The following DISC1 variants were observed in gnomAD, a reference collection of about 807,000 sequenced individuals.
DISC1 encodes DISC1 scaffold protein.
A neutral mutation model predicts 84.5 loss-of-function variants in DISC1; 57 were observed. That is an observed-to-expected ratio of 0.67 (90% confidence interval 0.55 to 0.84). The LOEUF (loss-of-function observed/expected upper bound fraction) is 0.84. Ranked by LOEUF, DISC1 falls within the 40% of genes least tolerant of loss-of-function variation. The pLI is 0.00. For missense variants in DISC1, 1,000 were observed against 1,057.8 expected, an observed-to-expected ratio of 0.95 and a Z score of 0.76; for synonymous variants, 411 against 415.2, an observed-to-expected ratio of 0.99 and a Z score of 0.12.
At chr1:231,957,520 C>T (rs1459411621) in intron 9 of DISC1, among the ~76,000 whole-genome samples, 2 of 152,198 alleles carry the variant, frequency 1.3e-5, no homozygotes, top group Non-Finnish European at 2.9e-5. Context: ...AGCTATCTCA[C>T]ATGCCTAGAA....
chr1:231,704,759 CAAAAAAAAAAAAA>C lies in DISC1; in HGVS notation c.1117+2749_1117+2761del, dbSNP rs146300199. Among the ~76,000 whole-genome samples, 5 of 24,356 alleles carry C rather than the reference CAAAAAAAAAAAAA, an allele frequency of 2.1e-4. No homozygotes were observed. The South Asian group carries it at 0.012, about 59-fold the overall frequency. 16.0% of individuals were successfully genotyped at this position (24,356 alleles called of 152,430 possible). A position where few individuals can be genotyped will look rare whatever the true frequency, so the allele number is the denominator to read the frequency against. ...TGGGCGACAGAGCGAGACTCCGTCT[CAAAAAAAAAAAAA>C]AAAAAAAAAAAAAGCAGATTCTGAT... On this transcript the variant is annotated intron_variant, in intron 3 of 12. Coordinates refer to ENST00000439617, the MANE Select transcript of DISC1 (RefSeq NM_018662.3).
intron 11 of DISC1, among the ~76,000 whole-genome samples, chr1:232,011,308 C>T (rs1433091899): frequency 6.6e-6 from 1 of 152,082 alleles, no homozygotes; most frequent in African/African-American, 2.4e-5. Context: ...TTGGGTGCTC[C>T]AGGGGTCCCC....
At chr1:231,854,399 G>A (rs2084112769) in intron 9 of DISC1, among the ~76,000 whole-genome samples, 1 of 152,154 alleles carries the variant, frequency 6.6e-6, no homozygotes. Flanking sequence ...TTAAATATGT[G>A]TAATATGTGA....
chr1:231,812,062 T>C (rs1397675890), intron 8 of DISC1, among the ~76,000 whole-genome samples: 1 of 152,042 alleles, frequency 6.6e-6, no homozygotes, highest in Non-Finnish European at 1.5e-5. Context: ...AGAGGGCAGG[T>C]ATTTTTTTTA....
intron 5 of DISC1, among the ~76,000 whole-genome samples, chr1:231,770,510 T>C (rs140803598): frequency 2.8e-3 from 421 of 152,308 alleles, no homozygotes; most frequent in African/African-American, 9.6e-3. Context: ...TGAGGCTCCC[T>C]GCCCTGTGTC....
At chr1:231,775,824 AC>A (rs1490614293) in intron 6 of DISC1, among the ~76,000 whole-genome samples, 1 of 151,868 alleles carries the variant, frequency 6.6e-6, no homozygotes, top group Non-Finnish European at 1.5e-5. Flanking sequence ...AACCACTTTT[AC>A]CCAGTGAGCT....
chr1:231,935,463 C>G (rs2090927396), intron 9 of DISC1, among the ~76,000 whole-genome samples: 1 of 152,126 alleles, frequency 6.6e-6, no homozygotes, highest in African/African-American at 2.4e-5. Flanking sequence ...TACATATTGT[C>G]CTCTACGCGT....
At chr1:231,721,325 G>GA (rs1256219403) in intron 3 of DISC1, among the ~76,000 whole-genome samples, 1 of 152,048 alleles carries the variant, frequency 6.6e-6, no homozygotes, top group Non-Finnish European at 1.5e-5. Context: ...TTTTAGGAGA[G>GA]AAAAAATTAG....
At chr1:232,015,077 C>T (rs1668359001) in intron 11 of DISC1, among the ~76,000 whole-genome samples, 1 of 152,146 alleles carries the variant, frequency 6.6e-6, no homozygotes. Flanking sequence ...AAAGCAGAGT[C>T]CAGGGACAAG....
chr1:232,025,213 G>C (rs946647468), intron 11 of DISC1, among the ~76,000 whole-genome samples: 2 of 152,170 alleles, frequency 1.3e-5, no homozygotes, highest in Non-Finnish European at 2.9e-5. Context: ...TTGAAGGAAA[G>C]GCTGGGTTTC....
chr1:231,759,478 C>T lies in DISC1; in HGVS notation c.1269-7662C>T, dbSNP rs1215454536. ...CTGAGGCAGGAGGATTGCTTGAGAC[C>T]AAGAGTTTGAGACAAGCCTGGGCAA... On this transcript the variant is annotated intron_variant, in intron 4 of 12. Transcript: ENST00000439617. Among the ~76,000 whole-genome samples, 3 of 113,024 alleles carry T rather than the reference C, an allele frequency of 2.7e-5. No homozygotes were observed. In the Admixed American group the frequency reaches 4.2e-4, roughly 16 times the overall value. The allele number at this position is 113,024 out of a possible 152,430, so 74.1% of individuals were successfully genotyped here. A position where few individuals can be genotyped will look rare whatever the true frequency, so the allele number is the denominator to read the frequency against.
chr1:231,857,802 C>T (rs199557786), intron 9 of DISC1, among the ~76,000 whole-genome samples: 4 of 152,182 alleles, frequency 2.6e-5, no homozygotes, highest in African/African-American at 9.7e-5. Flanking sequence ...ACCGGCTACC[C>T]GGAATCTGGC....
chr1:231,714,599 AAG>A (rs958729205), intron 3 of DISC1, among the ~76,000 whole-genome samples: 36 of 137,084 alleles, frequency 2.6e-4, no homozygotes, highest in African/African-American at 7.0e-4. Flanking sequence ...GAGAGACAGA[AAG>A]AGAGAAGAGA....
chr1:231,825,136 C>G (rs1258164813), intron 9 of DISC1, among the ~76,000 whole-genome samples: 1 of 152,116 alleles, frequency 6.6e-6, no homozygotes, highest in African/African-American at 2.4e-5. Flanking sequence ...CACTTTTATC[C>G]ATATATATTT....
intron 9 of DISC1, among the ~76,000 whole-genome samples, chr1:231,837,056 A>G (rs528271777): frequency 1.3e-5 from 2 of 152,196 alleles, no homozygotes; most frequent in South Asian, 4.1e-4. Flanking sequence ...AAGACTATAA[A>G]TAAATGCTCT....
At chr1:231,944,050 G>T (rs1349759169) in intron 9 of DISC1, 1 of 152,168 alleles carries the variant, frequency 6.6e-6, no homozygotes, top group Non-Finnish European at 1.5e-5. Flanking sequence ...AATGATTAAT[G>T]ATTAGGAGAC....
At chr1:232,019,987 T>C (rs567500996) in intron 11 of DISC1, among the ~76,000 whole-genome samples, 113 of 152,254 alleles carry the variant, frequency 7.4e-4, no homozygotes, top group South Asian at 5.6e-3. Context: ...GAGAACACCA[T>C]GTCTACAGGT....
intron 9 of DISC1, among the ~76,000 whole-genome samples, chr1:231,881,678 C>T (rs1160531715): frequency 6.6e-6 from 1 of 152,160 alleles, no homozygotes; most frequent in Non-Finnish European, 1.5e-5. Flanking sequence ...ACTTCCTCTT[C>T]CTTCACCATG....
chr1:231,652,336 A>G (rs188654480), intron 1 of DISC1, among the ~76,000 whole-genome samples: 2 of 152,260 alleles, frequency 1.3e-5, no homozygotes, highest in Non-Finnish European at 2.9e-5. Flanking sequence ...TTATTGTGTT[A>G]TTATCGTTAT....
Sources: allele counts gnomAD v4.1 joint callset (sites outside exome capture counted in the v4.1 genomes callset), GRCh38; gene constraint gnomAD v4.1.1; transcripts MANE v1.5; gene names NCBI Gene and HGNC (gene_info 2026-07-23, HGNC 2026-07-21).